SLC5A1: variants seen among roughly 807,000 people sequenced by gnomAD.
The protein encoded by SLC5A1 is sodium/glucose cotransporter 1.
A neutral mutation model predicts 73.5 loss-of-function variants in SLC5A1; 42 were observed. That is an observed-to-expected ratio of 0.57 (90% CI 0.45 to 0.74). SLC5A1 has a LOEUF of 0.74. Among genes scored for constraint, SLC5A1 ranks in the 30% least tolerant of loss-of-function variants. SLC5A1 has a pLI of 0.00. For missense variants in SLC5A1, 634 were observed against 855.4 expected (o/e 0.74, Z 3.23); for synonymous variants, 300 against 317.4 (o/e 0.95, Z 0.58).
chr22:32,049,415 CTT>C (rs130265), intron 1 of SLC5A1, among the ~76,000 whole-genome samples: 4 of 130,412 alleles, frequency 3.1e-5, no homozygotes, highest in Admixed American at 8.1e-5. Context: ...ATTTCTTTTT[CTT>C]TTTTTTTTTT....
chr22:32,112,554 T>C lies in SLC5A1; in HGVS notation c.*2341T>C, dbSNP rs1442033109. 2 of 152,148 alleles carry C rather than the reference T, an allele frequency of 1.3e-5. No homozygotes were observed. The highest frequency in any genetic ancestry group is 4.8e-5 in the African/African-American group (2 of 41,436). The allele number at this position is 152,148 out of a possible 1,614,324, so 9.4% of individuals were successfully genotyped here. A position where few individuals can be genotyped will look rare whatever the true frequency, so the allele number is the denominator to read the frequency against. On this transcript the variant is annotated 3_prime_UTR_variant, in exon 15 of 15. Transcript: ENST00000266088. ...CTGTGAGACTGACTTTGAGAACCAG[T>C]GTGGGTGGGGAGTTGTGCATATAAA...
chr22:32,044,363 A>G lies in SLC5A1; in HGVS notation c.135+947A>G, dbSNP rs73884263. On this transcript the variant is annotated intron_variant, in intron 1 of 14. Transcript: ENST00000266088. ...TAAAATGTTTGCAGATGTTCCAGCC[A>G]TTCTCGTGATTGTTATGGAGGTGGA... is the stretch of plus-strand genomic sequence containing the variant. Among the ~76,000 whole-genome samples the G allele has an allele frequency of 7.3e-3, 1,109 of 152,310 alleles. 14 individuals carry two copies. Among genetic ancestry groups the G allele is most frequent in the African/African-American group, 0.025 (1,034 of 41,570 alleles).
At chr22:32,053,787 T>G (rs1345733040) in intron 2 of SLC5A1, among the ~76,000 whole-genome samples, 4 of 152,218 alleles carry the variant, frequency 2.6e-5, no homozygotes, top group Non-Finnish European at 2.9e-5. Context: ...ATTAGAAATA[T>G]ATCTGGGATT....
At chr22:32,047,630 G>A (rs1434277024) in intron 1 of SLC5A1, among the ~76,000 whole-genome samples, 7 of 152,172 alleles carry the variant, frequency 4.6e-5, no homozygotes, top group African/African-American at 1.7e-4. Context: ...AGCACATGGG[G>A]GTGCTCAAGA....
intron 14 of SLC5A1, among the ~76,000 whole-genome samples, chr22:32,106,622 G>C (rs577254373): frequency 6.6e-6 from 1 of 152,310 alleles, no homozygotes; most frequent in South Asian, 2.1e-4. Flanking sequence ...TGTCATACTG[G>C]CTTACAATAT....
At chr22:32,101,009 C>T (rs949961117) in intron 12 of SLC5A1, among the ~76,000 whole-genome samples, 6 of 152,064 alleles carry the variant, frequency 3.9e-5, no homozygotes, top group African/African-American at 1.4e-4. Context: ...TGTAGCTTGT[C>T]CTATTTAAGC....
rs2094004978 is a variant in SLC5A1 at position 32,084,572 on chromosome 22, C to T, written c.798C>T (p.Phe266=). 1 of 1,614,276 alleles carries T rather than the reference C, an allele frequency of 6.2e-7. No individual in the cohort carries two copies. The highest frequency in any genetic ancestry group is 8.5e-7 in the Non-Finnish European group (1 of 1,180,050). Residue 266 remains phenylalanine, a synonymous_variant, in exon 8 of 15, where the codon TTC becomes TTT. Transcript: ENST00000266088. ...CAAGGGCCGACTCCTTCCACATCTTCCGAGATCCCCTCACGGGAGACCTCC... is the reference window on the plus strand; with the variant it reads ...CAAGGGCCGACTCCTTCCACATCTTTCGAGATCCCCTCACGGGAGACCTCC... ...YTPRADSFHI[F]RDPLTGDLPW...
chr22:32,103,074 T>C (rs763522516), intron 13 of SLC5A1, among the ~76,000 whole-genome samples: 20 of 152,240 alleles, frequency 1.3e-4, no homozygotes, highest in Non-Finnish European at 2.4e-4. Flanking sequence ...TTACTTTCTT[T>C]TGAATATATA....
rs1341149753 is a variant in SLC5A1, at chr22:32,091,326, CACACACACACACACA to C, written c.1130-285_1130-271del. ...ACACACACACACACACACACACACA[CACACACACACACACA>C]CCCCACCACCTTCATCATCGTCCAG... On this transcript the variant is annotated intron_variant, in intron 10 of 14. Coordinates refer to ENST00000266088, the MANE Select transcript of SLC5A1 (RefSeq NM_000343.4). Among the ~76,000 whole-genome samples the C allele has an allele frequency of 1.6e-4, 23 of 146,378 alleles. No homozygotes were observed. The South Asian group carries it at 3.6e-3, about 23-fold the overall frequency.
chr22:32,045,966 A>G (rs1274504157), intron 1 of SLC5A1, among the ~76,000 whole-genome samples: 6 of 152,192 alleles, frequency 3.9e-5, no homozygotes, highest in South Asian at 2.1e-4. Flanking sequence ...ACAAAACAAG[A>G]TATGAAGAAT....
At chr22:32,103,614 G>C (rs1166377689) in intron 13 of SLC5A1, among the ~76,000 whole-genome samples, 1 of 152,190 alleles carries the variant, frequency 6.6e-6, no homozygotes, top group Non-Finnish European at 1.5e-5. Context: ...ATAGAAACTG[G>C]TATTTCTTTT....
At chr22:32,059,217 A>G (rs1603109039) in intron 2 of SLC5A1, 2 of 985,128 alleles carry the variant, frequency 2.0e-6, no homozygotes, top group East Asian at 1.1e-4. Flanking sequence ...GGCGACAGAA[A>G]AAGACTCTGT....
At chr22:32,069,007 C>G (rs545463432) in intron 5 of SLC5A1, among the ~76,000 whole-genome samples, 1 of 152,198 alleles carries the variant, frequency 6.6e-6, no homozygotes, top group African/African-American at 2.4e-5. Flanking sequence ...GATATAGAAT[C>G]AATATAAGTC....
chr22:32,082,031 G>A (rs537724138), intron 6 of SLC5A1, 60 bp downstream of exon 6: 1 of 1,042,522 alleles, frequency 9.6e-7, no homozygotes, highest in East Asian at 2.4e-5. Context: ...CACTAGTGAA[G>A]GATAAAGGGA....
At chr22:32,078,880 G>C (rs2149490940) in intron 5 of SLC5A1, among the ~76,000 whole-genome samples, 1 of 148,910 alleles carries the variant, frequency 6.7e-6, no homozygotes, top group African/African-American at 2.5e-5. Context: ...ACTTGAACCT[G>C]GGAGATGGAG....
chr22:32,098,597 T>G lies in SLC5A1; in HGVS notation c.1281-586T>G, dbSNP rs189540442. On this transcript the variant is annotated intron_variant, in intron 11 of 14. Coordinates refer to ENST00000266088, the MANE Select transcript of SLC5A1 (RefSeq NM_000343.4). ...AATGAGATTCTCTTATGGTGGTGAG[T>G]GGGCCTAGGCTACTATTGAAAGTCA... 2.6e-5 allele frequency among the ~76,000 whole-genome samples: 4 copies of G among 152,270 alleles called. No individual in the cohort carries two copies. In the East Asian group the frequency reaches 7.7e-4, roughly 29 times the overall value.
intron 5 of SLC5A1, among the ~76,000 whole-genome samples, chr22:32,069,046 C>T (rs946126862): frequency 6.6e-6 from 1 of 152,034 alleles, no homozygotes; most frequent in Non-Finnish European, 1.5e-5. Context: ...ATGAAGAATA[C>T]GTGGCATATA....
At chr22:32,056,678 T>C (rs1181167167) in intron 2 of SLC5A1, among the ~76,000 whole-genome samples, 1 of 152,160 alleles carries the variant, frequency 6.6e-6, no homozygotes, top group Non-Finnish European at 1.5e-5. Context: ...GATCTCCCGA[T>C]ATCCCTTAAA....
chr22:32,068,107 T>C, intron 4 of SLC5A1, 81 bp downstream of exon 4: 11 of 1,370,286 alleles, frequency 8.0e-6, no homozygotes, highest in Non-Finnish European at 7.3e-6. Flanking sequence ...AGAGGAGACA[T>C]TATGGGATAA....
Sources: allele counts gnomAD v4.1 joint callset (sites outside exome capture counted in the v4.1 genomes callset), GRCh38; gene constraint gnomAD v4.1.1; transcripts MANE v1.5; gene names NCBI Gene and HGNC (gene_info 2026-07-23, HGNC 2026-07-21).